TMX3: variants seen among roughly 807,000 people sequenced by gnomAD.
The protein encoded by TMX3 is protein disulfide-isomerase TMX3.
Under a neutral mutation model 64.4 loss-of-function variants are expected in TMX3, and 40 were observed. That is an observed-to-expected ratio of 0.62 (90% confidence interval 0.48 to 0.81). TMX3 has a LOEUF of 0.81. Ranked by LOEUF, TMX3 falls within the 30% of genes least tolerant of loss-of-function variation. The pLI is 0.00. For synonymous variants in TMX3, 189 were observed against 175.7 expected, an observed-to-expected ratio of 1.08 and a Z score of -0.60; for missense variants, 497 against 534.5, an observed-to-expected ratio of 0.93 and a Z score of 0.69.
At chr18:68,712,535 G>A (rs547514374) in intron 2 of TMX3, among the ~76,000 whole-genome samples, 9 of 152,156 alleles carry the variant, frequency 5.9e-5, no homozygotes, top group Middle Eastern at 3.4e-3. Context: ...TTTAGCTGAC[G>A]AACAGTTTGC....
At chr18:68,697,096 A>T in intron 8 of TMX3, 130 bp downstream of exon 8, 1 of 564,250 alleles carries the variant, frequency 1.8e-6, no homozygotes, top group Non-Finnish European at 3.1e-6. Context: ...TTCCAAACAT[A>T]TCACAGTAAA....
intron 14 of TMX3, among the ~76,000 whole-genome samples, chr18:68,680,473 T>C (rs952437702): frequency 6.6e-6 from 1 of 152,194 alleles, no homozygotes; most frequent in African/African-American, 2.4e-5. Flanking sequence ...AAATATTTTA[T>C]AGGATTAAGT....
intron 15 of TMX3, 74 bp from the exon 16 acceptor site, chr18:68,677,267 A>T: frequency 6.8e-7 from 1 of 1,475,872 alleles, no homozygotes; most frequent in Non-Finnish European, 9.1e-7. Context: ...TGAACTTGAA[A>T]CCACTATAGA....
At chr18:68,703,798 C>T (rs1415119406) in intron 4 of TMX3, among the ~76,000 whole-genome samples, 3 of 151,786 alleles carry the variant, frequency 2.0e-5, no homozygotes, top group South Asian at 2.1e-4. Context: ...CGCGCGGTGG[C>T]GGGTGCCTGT....
Position 68,674,420 on chromosome 18 carries a change from C to T in TMX3, c.*2513G>A, listed in dbSNP as rs1912763743. The T allele has an allele frequency of 1.3e-5, 2 of 151,760 alleles. No individual in the cohort carries two copies. Among genetic ancestry groups the T allele is most frequent in the African/African-American group, 4.8e-5 (2 of 41,318 alleles). The allele number at this position is 151,760 out of a possible 1,614,324, so 9.4% of individuals were successfully genotyped here. On this transcript the variant is annotated 3_prime_UTR_variant, in exon 16 of 16. Coordinates refer to ENST00000299608, the MANE Select transcript of TMX3 (RefSeq NM_019022.5). ...CTGCAAAAGCAAGGATCTAGAATTCCGAATTTTAGAAGTTATAAAGAGAAC... is the reference window on the plus strand; with the variant it reads ...CTGCAAAAGCAAGGATCTAGAATTCTGAATTTTAGAAGTTATAAAGAGAAC...
chr18:68,698,054 A>T (rs758988697), intron 6 of TMX3, 23 bp from the exon 7 acceptor site: 1 of 1,520,562 alleles, frequency 6.6e-7, no homozygotes. Flanking sequence ...AAAACAAAAA[A>T]CAAACTTGAA....
At position 68,686,394 on chromosome 18, in the gene TMX3, C is replaced by T. The variant is rs141026448; in HGVS notation, c.736+1273G>A. Among the ~76,000 whole-genome samples the T allele has an allele frequency of 8.1e-3, 1,227 of 152,256 alleles. 9 individuals are homozygous for T. The highest frequency in any genetic ancestry group is 0.02 in the Middle Eastern group (6 of 294). ...GACTACTATATTCCTACATTTCCCC[C>T]TCTTCCTTTCATGTGAGTCTGAAAG... On this transcript the variant is annotated intron_variant, in intron 10 of 15. Coordinates refer to ENST00000299608, the MANE Select transcript of TMX3 (RefSeq NM_019022.5).
chr18:68,685,732 G>A (rs1913886613), intron 10 of TMX3, among the ~76,000 whole-genome samples: 2 of 152,084 alleles, frequency 1.3e-5, no homozygotes. Flanking sequence ...AGAACTGGTA[G>A]ACATTTTCAT....
rs150721093 is a variant in TMX3 at position 68,696,314 on chromosome 18, C to T, written c.570+912G>A. Among the ~76,000 whole-genome samples, 1,094 of 152,182 alleles carry T rather than the reference C, an allele frequency of 7.2e-3. 9 individuals carry two copies. The highest frequency in any genetic ancestry group is 0.011 in the Non-Finnish European group (747 of 68,010). The stretch of plus-strand genomic sequence containing the variant: ...TCAGCCCCCTGAGTAGCTGGGATTA[C>T]AGGCGTGCGCCACCACACCCAGCTA... On this transcript the variant is annotated intron_variant, in intron 8 of 15. Coordinates refer to ENST00000299608, the MANE Select transcript of TMX3 (RefSeq NM_019022.5).
intron 6 of TMX3, 102 bp from the exon 7 acceptor site, chr18:68,698,133 AT>A (rs1915297607): frequency 5.5e-6 from 4 of 731,698 alleles, no homozygotes; most frequent in Non-Finnish European, 6.7e-6. Flanking sequence ...TTAAGTTTCA[AT>A]AATATATCAA....
At chr18:68,711,101 C>T (rs1031807314) in intron 3 of TMX3, among the ~76,000 whole-genome samples, 3 of 152,050 alleles carry the variant, frequency 2.0e-5, no homozygotes, top group African/African-American at 7.2e-5. Context: ...AAAAGTTGAC[C>T]TCATTGTAAG....
At chr18:68,686,596 A>G (rs540457047) in intron 10 of TMX3, 1 of 311,494 alleles carries the variant, frequency 3.2e-6, no homozygotes, top group Non-Finnish European at 4.7e-6. Context: ...ATTCCCAGCT[A>G]CTTGGGAGGC....
chr18:68,685,385 C>T (rs1286365105), intron 10 of TMX3, among the ~76,000 whole-genome samples: 1 of 152,160 alleles, frequency 6.6e-6, no homozygotes, highest in Admixed American at 6.5e-5. Context: ...AAACACCTGT[C>T]TAAATTCTAC....
At position 68,673,897 on chromosome 18, in the gene TMX3, T is replaced by A. The variant is rs574147178; in HGVS notation, c.*3036A>T. ...TATAAAAATAAAATGTCAAGCCTAA[T>A]CCCACCAATTGATAGTCTTAATATC... is the stretch of plus-strand genomic sequence containing the variant. On this transcript the variant is annotated 3_prime_UTR_variant, in exon 16 of 16. Transcript: ENST00000299608. The A allele has an allele frequency of 1.3e-5, 2 of 152,252 alleles. No individual in the cohort carries two copies. The highest frequency in any genetic ancestry group is 4.1e-4 in the South Asian group (2 of 4,830). The allele number at this position is 152,252 out of a possible 1,614,324, so 9.4% of individuals were successfully genotyped here. A position where few individuals can be genotyped will look rare whatever the true frequency, so the allele number is the denominator to read the frequency against.
intron 5 of TMX3, chr18:68,700,799 T>C: frequency 1.0e-6 from 1 of 985,242 alleles, no homozygotes; most frequent in Non-Finnish European, 1.2e-6. Context: ...ATTAAAGTAC[T>C]ATAATTCTCA....
intron 13 of TMX3, 107 bp from the exon 14 acceptor site, chr18:68,681,217 A>G (rs1913400315): frequency 4.1e-6 from 4 of 985,368 alleles, no homozygotes; most frequent in Non-Finnish European, 5.4e-6. Context: ...TATTTAACAC[A>G]TTTGTGCATA....
intron 13 of TMX3, among the ~76,000 whole-genome samples, chr18:68,682,708 AT>A (rs11315775): frequency 0.15 from 21,602 of 143,092 alleles, 3,538 homozygotes; most frequent in African/African-American, 0.42. Context: ...TCAGGAGATA[AT>A]TTTTTTTTTT....
At chr18:68,687,560 A>G in intron 10 of TMX3, 107 bp downstream of exon 10, 1 of 1,496,946 alleles carries the variant, frequency 6.7e-7, no homozygotes, top group Non-Finnish European at 8.9e-7. Flanking sequence ...AAAATAAAAA[A>G]TTAAGTTGAG....
intron 6 of TMX3, 64 bp from the exon 7 acceptor site, chr18:68,698,095 A>T (rs1015159492): frequency 9.8e-7 from 1 of 1,015,976 alleles, no homozygotes; most frequent in Non-Finnish European, 1.5e-6. Flanking sequence ...TTTACTATTT[A>T]TACTATAACT....
Sources: allele counts gnomAD v4.1 joint callset (sites outside exome capture counted in the v4.1 genomes callset), GRCh38; gene constraint gnomAD v4.1.1; transcripts MANE v1.5; gene names NCBI Gene and HGNC (gene_info 2026-07-23, HGNC 2026-07-21).